CRACR2A: variants seen among roughly 807,000 people sequenced by gnomAD.
CRACR2A encodes the protein calcium release activated channel regulator 2A.
CRACR2A carries 79 observed loss-of-function variants against 90.5 expected under a neutral mutation model. That is an observed-to-expected ratio of 0.87 (90% CI 0.73 to 1.05). CRACR2A has a LOEUF of 1.05. Ranked by LOEUF, CRACR2A falls within the 50% of genes least tolerant of loss-of-function variation. CRACR2A has a pLI of 0.00. For synonymous variants in CRACR2A, 338 were observed against 356.7 expected, an observed-to-expected ratio of 0.95 and a Z score of 0.59; for missense variants, 823 against 897.2, an observed-to-expected ratio of 0.92 and a Z score of 1.06.
chr12:3,713,176 G>T, intron 3 of CRACR2A, 61 bp downstream of exon 3: 1 of 842,178 alleles, frequency 1.2e-6, no homozygotes, highest in Non-Finnish European at 1.4e-6. Flanking sequence ...CTGAAGTTGG[G>T]GTCTGGGGTG....
chr12:3,672,683 T>C, intron 7 of CRACR2A: 1 of 866,000 alleles, frequency 1.2e-6, no homozygotes, highest in Non-Finnish European at 1.4e-6. Flanking sequence ...TTAATTCTCA[T>C]GAAGGGACTG....
At chr12:3,716,540 T>C (rs143390774) in intron 2 of CRACR2A, among the ~76,000 whole-genome samples, 8 of 152,208 alleles carry the variant, frequency 5.3e-5, no homozygotes, top group Non-Finnish European at 1.2e-4. Flanking sequence ...TAAACACTGG[T>C]CCTTTTTAGT....
rs554793478 is a variant in CRACR2A, at chr12:3,720,416, GAAGAAAGA to G, written c.-117-7107_-117-7100del. 6.7e-3 allele frequency among the ~76,000 whole-genome samples: 711 copies of G among 106,700 alleles called. 15 individuals are homozygous for G. The highest frequency in any genetic ancestry group is 0.022 in the African/African-American group (601 of 27,082). The allele number at this position is 106,700 out of a possible 152,430, so 70.0% of individuals were successfully genotyped here. A position where few individuals can be genotyped will look rare whatever the true frequency, so the allele number is the denominator to read the frequency against. On this transcript the variant is annotated intron_variant, in intron 2 of 19. Coordinates refer to ENST00000440314, the MANE Select transcript of CRACR2A (RefSeq NM_001144958.2). The stretch of plus-strand genomic sequence containing the variant: ...GGGGGAGGGACGGAGTGAGAGAGAG[GAAGAAAGA>G]AAGAAAGAAAGAAAGAAAGAAAGAA...
intron 1 of CRACR2A, among the ~76,000 whole-genome samples, chr12:3,747,479 AGG>A (rs1946644250): frequency 6.6e-6 from 1 of 152,154 alleles, no homozygotes; most frequent in African/African-American, 2.4e-5. Context: ...CAGTGGGTGA[AGG>A]TATGTGGTTA....
chr12:3,644,758 G>T, intron 11 of CRACR2A, 118 bp from the exon 12 acceptor site: 1 of 875,146 alleles, frequency 1.1e-6, no homozygotes, highest in Non-Finnish European at 1.9e-6. Context: ...AGACAGGGGA[G>T]TCTGTGGAAT....
chr12:3,715,733 A>G (rs942503972), intron 2 of CRACR2A, among the ~76,000 whole-genome samples: 2 of 152,230 alleles, frequency 1.3e-5, no homozygotes, highest in Non-Finnish European at 2.9e-5. Context: ...TATAAACTTG[A>G]TTTCCCAACA....
intron 4 of CRACR2A, among the ~76,000 whole-genome samples, chr12:3,690,083 AC>A (rs1339574121): frequency 6.7e-6 from 1 of 150,334 alleles, no homozygotes; most frequent in Non-Finnish European, 1.5e-5. Flanking sequence ...TATTTTATTA[AC>A]TTTTTTTTTC....
chr12:3,627,842 G>T, intron 15 of CRACR2A, 136 bp from the exon 16 acceptor site: 3 of 843,306 alleles, frequency 3.6e-6, no homozygotes, highest in South Asian at 1.5e-5. Context: ...CTCGTGGGAG[G>T]CAAAATGGAG....
intron 1 of CRACR2A, among the ~76,000 whole-genome samples, chr12:3,751,320 C>T (rs1169268953): frequency 6.6e-6 from 1 of 152,136 alleles, no homozygotes; most frequent in Admixed American, 6.5e-5. Flanking sequence ...CCCTGTTCAA[C>T]CCCTCATGGT....
At chr12:3,690,317 A>G (rs1339232373) in intron 4 of CRACR2A, among the ~76,000 whole-genome samples, 1 of 152,126 alleles carries the variant, frequency 6.6e-6, no homozygotes, top group Non-Finnish European at 1.5e-5. Flanking sequence ...TTTACCTCTT[A>G]ACACTGCCTT....
intron 12 of CRACR2A, among the ~76,000 whole-genome samples, chr12:3,643,755 G>T (rs1367169845): frequency 1.1e-5 from 1 of 94,012 alleles, no homozygotes; most frequent in South Asian, 3.3e-4. Flanking sequence ...ACATATATAT[G>T]CACACAGACT....
At chr12:3,700,352 C>G (rs1945816574) in intron 3 of CRACR2A, among the ~76,000 whole-genome samples, 1 of 152,130 alleles carries the variant, frequency 6.6e-6, no homozygotes, top group South Asian at 2.1e-4. Context: ...CAAAATGAAC[C>G]CCAAGTGTGC....
chr12:3,698,959 C>A (rs143963747), intron 3 of CRACR2A, among the ~76,000 whole-genome samples: 64 of 152,342 alleles, frequency 4.2e-4, no homozygotes, highest in African/African-American at 1.5e-3. Context: ...ACCCTACTCC[C>A]ACCTGCTGCT....
intron 1 of CRACR2A, among the ~76,000 whole-genome samples, chr12:3,734,064 G>A (rs569062897): frequency 4.2e-4 from 62 of 146,540 alleles, no homozygotes; most frequent in Middle Eastern, 3.9e-3. Context: ...TCTGCCTCTC[G>A]GGTTCACGCC....
intron 1 of CRACR2A, among the ~76,000 whole-genome samples, chr12:3,752,359 CACACACACACAG>C (rs1447207173): frequency 0.011 from 869 of 80,366 alleles, 6 homozygotes; most frequent in Non-Finnish European, 0.018. Flanking sequence ...CACACACGGA[CACACACACACAG>C]ACACACACAC....
chr12:3,736,698 CAGA>C lies in CRACR2A; in HGVS notation c.-386-3491_-386-3489del, dbSNP rs753466625. On this transcript the variant is annotated intron_variant, in intron 1 of 19. Coordinates refer to ENST00000440314, the MANE Select transcript of CRACR2A (RefSeq NM_001144958.2). Reference sequence around the variant, plus strand: ...TCAGAACACGTCAGCCAAGGAGGCTCAGAAGCAGTGCTTAGAGAGGAAGCAAAG... The same window carrying C: ...TCAGAACACGTCAGCCAAGGAGGCTCAGCAGTGCTTAGAGAGGAAGCAAAG... 3.9e-5 allele frequency among the ~76,000 whole-genome samples: 6 copies of C among 152,240 alleles called. No homozygotes were observed. The East Asian group carries it at 9.6e-4, about 24-fold the overall frequency.
chr12:3,730,035 C>T (rs191436865), intron 2 of CRACR2A: 11 of 152,170 alleles, frequency 7.2e-5, no homozygotes, highest in Non-Finnish European at 1.5e-4. Context: ...TTTCAGCTCC[C>T]GAGATGAAAG....
At position 3,696,889 on chromosome 12, in the gene CRACR2A, C is replaced by T. The variant is rs760259289; in HGVS notation, c.111G>A (p.Glu37=). The T allele has an allele frequency of 2.5e-6, 4 of 1,614,258 alleles. No individual in the cohort carries two copies. Among genetic ancestry groups the T allele is most frequent in the Admixed American group, 1.7e-5 (1 of 60,028 alleles). ...ACGTTTGCTCCTGAGTCTCCTTCTG[C>T]TCCAGGCTGTCCAGGGGATGCAGGC... ...GACLHPLDSL[E]QKETQEQTSG... Residue 37 remains glutamate, a synonymous_variant, in exon 4 of 20, where the codon GAG becomes GAA. Coordinates refer to ENST00000440314, the MANE Select transcript of CRACR2A (RefSeq NM_001144958.2).
At position 3,721,848 on chromosome 12, in the gene CRACR2A, G is replaced by T. The variant is rs533018594; in HGVS notation, c.-117-8531C>A. Among the ~76,000 whole-genome samples, 642 of 152,224 alleles carry T rather than the reference G, an allele frequency of 4.2e-3. 8 individuals are homozygous for T. The highest frequency in any genetic ancestry group is 0.015 in the African/African-American group (614 of 41,512). On this transcript the variant is annotated intron_variant, in intron 2 of 19. Transcript: ENST00000440314. ...TCTCTGTGTTTATGTTAACCCCCAGGGCTGTGGGGAGGGGAAGGGAGATGG... is the reference window on the plus strand; with the variant it reads ...TCTCTGTGTTTATGTTAACCCCCAGTGCTGTGGGGAGGGGAAGGGAGATGG...
Sources: allele counts gnomAD v4.1 joint callset (sites outside exome capture counted in the v4.1 genomes callset), GRCh38; gene constraint gnomAD v4.1.1; transcripts MANE v1.5; gene names NCBI Gene and HGNC (gene_info 2026-07-23, HGNC 2026-07-21).